Variants in WWOX observed in about 807,000 individuals in gnomAD.
WWOX encodes WW domain containing oxidoreductase.
Under a neutral mutation model 46.2 loss-of-function variants are expected in WWOX, and 69 were observed. The ratio of observed to expected loss-of-function variants is 1.49; its 90% CI spans 1.23 to 1.82. The LOEUF (loss-of-function observed/expected upper bound fraction) is 1.82, where lower values mean the gene tolerates loss of function less well. Ranked by LOEUF, WWOX falls within the 40% of genes most tolerant of loss-of-function variation. The pLI is 0.00. For missense variants in WWOX, 919 were observed against 542.6 expected, an observed-to-expected ratio of 1.69 and a Z score of -6.89; for synonymous variants, 359 against 202.6, an observed-to-expected ratio of 1.77 and a Z score of -6.56.
At chr16:78,720,800 C>T (rs537328018) in intron 8 of WWOX, among the ~76,000 whole-genome samples, 2 of 152,196 alleles carry the variant, frequency 1.3e-5, no homozygotes, top group Non-Finnish European at 2.9e-5. Context: ...TGCCCAAGTG[C>T]CTTCCTCCAA....
chr16:78,932,265 A>G (rs1361559064), intron 8 of WWOX, among the ~76,000 whole-genome samples: 1 of 152,168 alleles, frequency 6.6e-6, no homozygotes, highest in Non-Finnish European at 1.5e-5. Context: ...GGATGAAGGT[A>G]TCTGGTCCTG....
At chr16:78,882,150 A>G (rs1271389897) in intron 8 of WWOX, among the ~76,000 whole-genome samples, 1 of 152,168 alleles carries the variant, frequency 6.6e-6, no homozygotes, top group Non-Finnish European at 1.5e-5. Context: ...AGAACTGACA[A>G]TAAATAGTTT....
intron 5 of WWOX, among the ~76,000 whole-genome samples, chr16:78,278,321 G>T (rs982463062): frequency 6.6e-6 from 1 of 152,158 alleles, no homozygotes; most frequent in Non-Finnish European, 1.5e-5. Flanking sequence ...TATTGTTGTA[G>T]CAGTGTTCAA....
intron 8 of WWOX, among the ~76,000 whole-genome samples, chr16:79,126,974 G>A (rs117979204): frequency 0.012 from 1,834 of 152,012 alleles, 15 homozygotes; most frequent in Non-Finnish European, 0.016. Context: ...GAAAATAGGT[G>A]CCTGGCTTAT....
chr16:78,822,300 C>G (rs939860004), intron 8 of WWOX, among the ~76,000 whole-genome samples: 22 of 152,132 alleles, frequency 1.4e-4, no homozygotes, highest in African/African-American at 4.8e-4. Flanking sequence ...TCAAGCCCAG[C>G]CTGGCTGACA....
Position 78,443,581 on chromosome 16 carries a change from C to T in WWOX, c.1056+10829C>T, listed in dbSNP as rs115198939. Among the ~76,000 whole-genome samples the T allele has an allele frequency of 7.1e-3, 1,080 of 152,200 alleles. 14 individuals carry two copies. The highest frequency in any genetic ancestry group is 0.025 in the African/African-American group (1,031 of 41,504). On this transcript the variant is annotated intron_variant, in intron 8 of 8. Coordinates refer to ENST00000566780, the MANE Select transcript of WWOX (RefSeq NM_016373.4). ...GCCTTGCTTTATAGTGTTTTAAATCCGCCTCGGCCTTTGTTCCTGAATGAG... is the reference window on the plus strand; with the variant it reads ...GCCTTGCTTTATAGTGTTTTAAATCTGCCTCGGCCTTTGTTCCTGAATGAG...
At chr16:79,064,695 G>C (rs1450893387) in intron 8 of WWOX, among the ~76,000 whole-genome samples, 2 of 152,234 alleles carry the variant, frequency 1.3e-5, no homozygotes, top group Non-Finnish European at 1.5e-5. Flanking sequence ...GGTGACAGTA[G>C]AGAGTCAGCC....
At chr16:79,193,847 A>T (rs1283532062) in intron 8 of WWOX, among the ~76,000 whole-genome samples, 1 of 152,194 alleles carries the variant, frequency 6.6e-6, no homozygotes, top group Admixed American at 6.5e-5. Context: ...TAACGAGTTC[A>T]GGGACAAGAG....
At chr16:78,736,160 G>T (rs925744245) in intron 8 of WWOX, among the ~76,000 whole-genome samples, 3 of 152,170 alleles carry the variant, frequency 2.0e-5, no homozygotes, top group Non-Finnish European at 2.9e-5. Context: ...AGAAGATGTG[G>T]TCTCAAATGA....
chr16:78,693,954 T>G (rs919994820), intron 8 of WWOX, among the ~76,000 whole-genome samples: 1 of 152,140 alleles, frequency 6.6e-6, no homozygotes, highest in Non-Finnish European at 1.5e-5. Flanking sequence ...TTTAGACGTC[T>G]GGACGTGGTG....
chr16:78,529,258 A>G (rs1597217474), intron 8 of WWOX, among the ~76,000 whole-genome samples: 1 of 152,206 alleles, frequency 6.6e-6, no homozygotes, highest in Non-Finnish European at 1.5e-5. Flanking sequence ...CCCGACCAAG[A>G]ACTTTCTATT....
chr16:78,679,542 C>G (rs998181991), intron 8 of WWOX, among the ~76,000 whole-genome samples: 1 of 152,080 alleles, frequency 6.6e-6, no homozygotes, highest in African/African-American at 2.4e-5. Context: ...CAGAGTGAGA[C>G]TCCATCTCAA....
At chr16:78,770,117 C>G (rs531451495) in intron 8 of WWOX, among the ~76,000 whole-genome samples, 17 of 151,960 alleles carry the variant, frequency 1.1e-4, no homozygotes, top group African/African-American at 4.1e-4. Context: ...TTTGGGAATA[C>G]GAGGTGGGCC....
intron 8 of WWOX, among the ~76,000 whole-genome samples, chr16:79,020,416 T>G (rs1305691354): frequency 3.9e-5 from 6 of 152,170 alleles, no homozygotes; most frequent in Non-Finnish European, 8.8e-5. Flanking sequence ...AGCGATAACT[T>G]AACCTCTTTG....
chr16:78,135,375 G>C (rs2033752439), intron 4 of WWOX, among the ~76,000 whole-genome samples: 2 of 152,186 alleles, frequency 1.3e-5, no homozygotes, highest in African/African-American at 4.8e-5. Flanking sequence ...GTCTAATAGA[G>C]TCTGAGTTTC....
rs71140824 is a variant in WWOX, at chr16:78,751,461, T to TTATATATATATATA, written c.1056+318723_1056+318736dup. On this transcript the variant is annotated intron_variant, in intron 8 of 8. Coordinates refer to ENST00000566780, the MANE Select transcript of WWOX (RefSeq NM_016373.4). ...AGATTATATATATATTTATCAGATT[T>TTATATATATATATA]TATATATATATATATATATATATAT... 3.4e-3 allele frequency among the ~76,000 whole-genome samples: 437 copies of TTATATATATATATA among 128,350 alleles called. 1 individual carries two copies. The highest frequency in any genetic ancestry group is 8.8e-3 in the Middle Eastern group (2 of 226). 84.2% of individuals were successfully genotyped at this position (128,350 alleles called of 152,430 possible). A position where few individuals can be genotyped will look rare whatever the true frequency, so the allele number is the denominator to read the frequency against.
At chr16:78,647,908 T>A (rs2046881020) in intron 8 of WWOX, among the ~76,000 whole-genome samples, 1 of 152,248 alleles carries the variant, frequency 6.6e-6, no homozygotes, top group Admixed American at 6.5e-5. Context: ...TATTGCTATT[T>A]TTCTAAAAGG....
intron 5 of WWOX, among the ~76,000 whole-genome samples, chr16:78,308,109 C>G (rs1442641991): frequency 6.6e-6 from 1 of 152,184 alleles, no homozygotes; most frequent in East Asian, 1.9e-4. Flanking sequence ...CTTCATTTTT[C>G]TCTCATGGTG....
At chr16:78,160,061 A>G (rs1567605380) in intron 4 of WWOX, among the ~76,000 whole-genome samples, 1 of 151,672 alleles carries the variant, frequency 6.6e-6, no homozygotes. Context: ...TTTTAGATTT[A>G]TAAGTTTCTC....
Sources: gnomAD v4.1 joint callset for allele counts (sites outside exome capture counted in the v4.1 genomes callset) on GRCh38, gnomAD v4.1.1 for gene constraint, MANE v1.5 for transcripts, NCBI Gene and HGNC (gene_info 2026-07-23, HGNC 2026-07-21) for gene names.